Variants in LPP observed in about 807,000 individuals in gnomAD.
The protein encoded by LPP is LIM domain containing preferred translocation partner in lipoma, also known as lipoma-preferred partner.
In LPP, 38 loss-of-function variants were observed where a neutral mutation model predicts 60.4. That is an observed-to-expected ratio of 0.63 (90% CI 0.49 to 0.83). LPP has a LOEUF of 0.83. LPP is among the 40% of genes least tolerant of loss of function. LPP has a pLI of 0.00. For missense variants in LPP, 902 were observed against 783.6 expected, an observed-to-expected ratio of 1.15 and a Z score of -1.80; for synonymous variants, 328 against 290.8, an observed-to-expected ratio of 1.13 and a Z score of -1.30.
chr3:188,233,176 A>C (rs1720698539), intron 2 of LPP, among the ~76,000 whole-genome samples: 1 of 152,220 alleles, frequency 6.6e-6, no homozygotes, highest in African/African-American at 2.4e-5. Context: ...CCAAGGCCTA[A>C]CTACAAACAT....
intron 1 of LPP, among the ~76,000 whole-genome samples, chr3:188,170,009 G>T (rs1467091948): frequency 1.3e-5 from 2 of 152,212 alleles, no homozygotes; most frequent in Non-Finnish European, 2.9e-5. Context: ...GAGGCCTGGA[G>T]GGTTGCCAGA....
In LPP at chr3:188,884,236, C is replaced by A. The variant is rs1194939170; in HGVS notation, c.*9757C>A. The A allele has an allele frequency of 8.7e-6, 2 of 229,776 alleles. No individual in the cohort carries two copies. Among genetic ancestry groups the A allele is most frequent in the Non-Finnish European group, 1.7e-5 (2 of 116,054 alleles). 14.2% of individuals were successfully genotyped at this position (229,776 alleles called of 1,614,324 possible). The stretch of plus-strand genomic sequence containing the variant: ...TGACTTGCCAAAAGCTGTGACATAG[C>A]TGGGAAGTGGCAGATTTGGGGATAT... On this transcript the variant is annotated 3_prime_UTR_variant, in exon 12 of 12. Transcript: ENST00000617246.
chr3:188,601,476 C>T (rs939577295), intron 6 of LPP, among the ~76,000 whole-genome samples: 4 of 152,138 alleles, frequency 2.6e-5, no homozygotes, highest in Non-Finnish European at 5.9e-5. Flanking sequence ...AACTTCGTCC[C>T]TAAATCTAAA....
intron 9 of LPP, among the ~76,000 whole-genome samples, chr3:188,816,894 G>C (rs1752624947): frequency 6.6e-6 from 1 of 152,188 alleles, no homozygotes. Flanking sequence ...GCAATGATCT[G>C]AATTGCTTAC....
rs141434997 is a variant in LPP, at chr3:188,319,972, C to T, written c.-66-21691C>T. ...GGACCTTGACACTTTTTTAGTGTAACGGTCAGGTATTTTGAAGAATGAGTG... is the reference window on the plus strand; with the variant it reads ...GGACCTTGACACTTTTTTAGTGTAATGGTCAGGTATTTTGAAGAATGAGTG... On this transcript the variant is annotated intron_variant, in intron 2 of 11. Transcript: ENST00000617246. Among the ~76,000 whole-genome samples the T allele has an allele frequency of 2.6e-3, 395 of 152,212 alleles. 4 individuals carry two copies. The highest frequency in any genetic ancestry group is 9.1e-3 in the African/African-American group (378 of 41,542).
chr3:188,791,554 A>G (rs1408614294), intron 9 of LPP, among the ~76,000 whole-genome samples: 1 of 147,716 alleles, frequency 6.8e-6, no homozygotes, highest in Non-Finnish European at 1.5e-5. Flanking sequence ...CTCTAGCCTC[A>G]TTTCTTTTTT....
At chr3:188,424,459 A>G (rs548936567) in intron 4 of LPP, among the ~76,000 whole-genome samples, 13 of 152,124 alleles carry the variant, frequency 8.5e-5, no homozygotes, top group African/African-American at 3.1e-4. Flanking sequence ...GTTCCATGTG[A>G]AATTTAAACT....
In LPP at chr3:188,565,908, G is replaced by T. The variant is rs936827454; in HGVS notation, c.429+41121G>T. 1.5e-4 allele frequency among the ~76,000 whole-genome samples: 23 copies of T among 151,980 alleles called. 1 individual carries two copies. The highest frequency in any genetic ancestry group is 3.4e-3 in the Middle Eastern group (1 of 294). ...AGGACTAATGTGTTTGCCAGAATGT[G>T]CACCTCTTCTCTATTTACCGTAAAG... On this transcript the variant is annotated intron_variant, in intron 6 of 11. Coordinates refer to ENST00000617246, the MANE Select transcript of LPP (RefSeq NM_001375462.1).
intron 7 of LPP, among the ~76,000 whole-genome samples, chr3:188,645,539 A>C (rs547989320): frequency 6.6e-6 from 1 of 152,286 alleles, no homozygotes; most frequent in South Asian, 2.1e-4. Context: ...GGTCTCGTGC[A>C]TGGAGTACAA....
At chr3:188,582,154 C>CTTTT (rs10565240) in intron 6 of LPP, among the ~76,000 whole-genome samples, 24 of 102,246 alleles carry the variant, frequency 2.3e-4, no homozygotes, top group South Asian at 3.4e-4. Flanking sequence ...TTTTCTTTTT[C>CTTTT]TTTTTTTTTT....
intron 2 of LPP, among the ~76,000 whole-genome samples, chr3:188,308,806 C>T (rs1180766187): frequency 6.6e-6 from 1 of 152,146 alleles, no homozygotes; most frequent in Non-Finnish European, 1.5e-5. Flanking sequence ...GGCTCCAGGG[C>T]AAATCATTTG....
chr3:188,455,820 CA>C (rs1315134732), intron 4 of LPP, among the ~76,000 whole-genome samples: 1 of 152,026 alleles, frequency 6.6e-6, no homozygotes, highest in Non-Finnish European at 1.5e-5. Context: ...CTGTAATTGT[CA>C]AATGTGGTTG....
intron 9 of LPP, among the ~76,000 whole-genome samples, chr3:188,819,785 A>G (rs1753475119): frequency 6.6e-6 from 1 of 152,170 alleles, no homozygotes; most frequent in African/African-American, 2.4e-5. Context: ...TAAAAGTAGA[A>G]AGACAGTTTA....
At chr3:188,466,766 C>G (rs1415001305) in intron 4 of LPP, among the ~76,000 whole-genome samples, 1 of 114,454 alleles carries the variant, frequency 8.7e-6, no homozygotes. Flanking sequence ...GTCTGAAGAG[C>G]TAAATATACT....
At chr3:188,454,667 T>C (rs1403307086) in intron 4 of LPP, among the ~76,000 whole-genome samples, 2 of 152,064 alleles carry the variant, frequency 1.3e-5, no homozygotes, top group Non-Finnish European at 2.9e-5. Context: ...TTCAGAATCA[T>C]GGTGGGAGGT....
chr3:188,271,410 G>A (rs1189010203), intron 2 of LPP, among the ~76,000 whole-genome samples: 1 of 152,182 alleles, frequency 6.6e-6, no homozygotes, highest in African/African-American at 2.4e-5. Flanking sequence ...AGAAGTGGGA[G>A]CAGCAGAAGG....
chr3:188,532,774 G>A (rs1822541850), intron 6 of LPP, among the ~76,000 whole-genome samples: 1 of 152,140 alleles, frequency 6.6e-6, no homozygotes, highest in African/African-American at 2.4e-5. Context: ...CAAGAAATAA[G>A]ATGATGGCTC....
At chr3:188,310,736 T>A (rs1303434091) in intron 2 of LPP, among the ~76,000 whole-genome samples, 1 of 152,064 alleles carries the variant, frequency 6.6e-6, no homozygotes, top group Non-Finnish European at 1.5e-5. Context: ...GCAGTTAGGG[T>A]GTCAATGGCA....
At chr3:188,598,297 T>G (rs2151180491) in intron 6 of LPP, among the ~76,000 whole-genome samples, 1 of 152,248 alleles carries the variant, frequency 6.6e-6, no homozygotes, top group Non-Finnish European at 1.5e-5. Flanking sequence ...ATATTTGAGT[T>G]CTTAAAATTT....
Sources: allele counts gnomAD v4.1 joint callset (sites outside exome capture counted in the v4.1 genomes callset), GRCh38; gene constraint gnomAD v4.1.1; transcripts MANE v1.5; gene names NCBI Gene and HGNC (gene_info 2026-07-23, HGNC 2026-07-21).